SLC25A31: variants seen among roughly 807,000 people sequenced by gnomAD.
The protein encoded by SLC25A31 is ADP/ATP translocase 4.
Under a neutral mutation model 36.2 loss-of-function variants are expected in SLC25A31, and 40 were observed. The ratio of observed to expected loss-of-function variants is 1.10; its 90% CI spans 0.86 to 1.44. SLC25A31 has a LOEUF of 1.44. Among genes scored for constraint, SLC25A31 ranks in the 40% most tolerant of loss-of-function variants. SLC25A31 has a pLI of 0.00. For missense variants in SLC25A31, 350 were observed against 397.1 expected (o/e 0.88, Z 1.01); for synonymous variants, 143 against 149.7 (o/e 0.96, Z 0.32).
intron 2 of SLC25A31, among the ~76,000 whole-genome samples, chr4:127,761,152 G>A (rs372572965): frequency 1.4e-4 from 21 of 152,064 alleles, no homozygotes; most frequent in East Asian, 7.7e-4. Context: ...CCTTCCTACC[G>A]TCACTACATA....
Position 127,773,693 on chromosome 4 carries a change from T to C in SLC25A31, c.*119T>C, listed in dbSNP as rs1732413298. The C allele has an allele frequency of 1.3e-6, 1 of 743,440 alleles. No individual in the cohort carries two copies. The highest frequency in any genetic ancestry group is 1.8e-5 in the African/African-American group (1 of 55,128). 46.1% of individuals were successfully genotyped at this position (743,440 alleles called of 1,614,324 possible). A position where few individuals can be genotyped will look rare whatever the true frequency, so the allele number is the denominator to read the frequency against. On this transcript the variant is annotated 3_prime_UTR_variant, in exon 6 of 6. Transcript: ENST00000281154. ...CTGTATTTTGTTAAAGTGCTAGTTC[T>C]GCAATAAAGCATACATTTTTTCAAG...
intron 2 of SLC25A31, among the ~76,000 whole-genome samples, chr4:127,757,005 C>T (rs1187097396): frequency 2.0e-5 from 3 of 152,166 alleles, no homozygotes; most frequent in Non-Finnish European, 1.5e-5. Flanking sequence ...ATACAAAAAC[C>T]AGTGTACACA....
chr4:127,773,176 A>C (rs1003162283), intron 5 of SLC25A31, among the ~76,000 whole-genome samples: 1 of 152,178 alleles, frequency 6.6e-6, no homozygotes, highest in African/African-American at 2.4e-5. Context: ...ATCCTTTGAC[A>C]TTTGTTAACG....
intron 2 of SLC25A31, among the ~76,000 whole-genome samples, chr4:127,751,711 C>T (rs1158095427): frequency 7.9e-5 from 12 of 151,964 alleles, no homozygotes; most frequent in African/African-American, 2.7e-4. Context: ...ACAAAGAACT[C>T]AAACAAATTT....
intron 2 of SLC25A31, among the ~76,000 whole-genome samples, chr4:127,747,012 C>A (rs1731838645): frequency 6.6e-6 from 1 of 152,150 alleles, no homozygotes; most frequent in South Asian, 2.1e-4. Flanking sequence ...TATCCCACCA[C>A]TATTTATTGA....
At chr4:127,748,935 G>A (rs1467304639) in intron 2 of SLC25A31, among the ~76,000 whole-genome samples, 1 of 152,006 alleles carries the variant, frequency 6.6e-6, no homozygotes, top group Non-Finnish European at 1.5e-5. Context: ...CCAAACAAAT[G>A]GAGATATACA....
intron 2 of SLC25A31, among the ~76,000 whole-genome samples, chr4:127,763,261 G>T (rs1174769388): frequency 1.3e-5 from 2 of 152,180 alleles, no homozygotes; most frequent in Admixed American, 6.5e-5. Context: ...AGTAGAACTT[G>T]AATTAGAGCA....
At chr4:127,744,263 T>C (rs1400846275) in intron 1 of SLC25A31, among the ~76,000 whole-genome samples, 1 of 152,240 alleles carries the variant, frequency 6.6e-6, no homozygotes, top group Non-Finnish European at 1.5e-5. Flanking sequence ...CATAAGTATG[T>C]GTACAAATCA....
chr4:127,748,376 G>A (rs973317201), intron 2 of SLC25A31, among the ~76,000 whole-genome samples: 4 of 151,984 alleles, frequency 2.6e-5, no homozygotes, highest in South Asian at 2.1e-4. Flanking sequence ...TAAAGAGCTC[G>A]GTCTCAACAG....
chr4:127,767,014 T>C, intron 3 of SLC25A31, 52 bp from the exon 4 acceptor site: 1 of 1,419,804 alleles, frequency 7.0e-7, no homozygotes, highest in Admixed American at 2.3e-5. Context: ...TTGATTAAAG[T>C]GTTTATTGGA....
chr4:127,732,828 T>C (rs1324946531), intron 1 of SLC25A31, among the ~76,000 whole-genome samples: 1 of 152,240 alleles, frequency 6.6e-6, no homozygotes, highest in Non-Finnish European at 1.5e-5. Flanking sequence ...TATTGCCATC[T>C]AGAGGCAATT....
At chr4:127,732,987 C>T (rs774776423) in intron 1 of SLC25A31, among the ~76,000 whole-genome samples, 8 of 152,164 alleles carry the variant, frequency 5.3e-5, no homozygotes, top group Non-Finnish European at 8.8e-5. Flanking sequence ...AGATTTATCC[C>T]GCAACCTGAA....
intron 1 of SLC25A31, among the ~76,000 whole-genome samples, chr4:127,736,567 T>C (rs2148753014): frequency 6.6e-6 from 1 of 152,310 alleles, no homozygotes. Flanking sequence ...GCAATAGAAG[T>C]GCAGTAACTC....
In SLC25A31 at chr4:127,730,401, C is replaced by T. The variant is rs1214426833; in HGVS notation, c.-145C>T. The stretch of plus-strand genomic sequence containing the variant: ...GCGCAGCTTTTCCGCACGCGCCTCG[C>T]CGGCGCGCGGCTCTCTCAGCGTCCC... On this transcript the variant is annotated 5_prime_UTR_variant, in exon 1 of 6. Coordinates refer to ENST00000281154, the MANE Select transcript of SLC25A31 (RefSeq NM_031291.4). 4.9e-5 allele frequency: 43 copies of T among 871,930 alleles called. No individual in the cohort carries two copies. The highest frequency in any genetic ancestry group is 8.6e-5 in the Admixed American group (3 of 34,966). 54.0% of individuals were successfully genotyped at this position (871,930 alleles called of 1,614,324 possible).
At chr4:127,752,776 T>C (rs910694830) in intron 2 of SLC25A31, among the ~76,000 whole-genome samples, 9 of 152,076 alleles carry the variant, frequency 5.9e-5, no homozygotes, top group African/African-American at 1.9e-4. Flanking sequence ...AAAACAAATA[T>C]TAATAGATTT....
intron 5 of SLC25A31, among the ~76,000 whole-genome samples, chr4:127,771,261 C>T (rs1428907973): frequency 6.6e-6 from 1 of 151,996 alleles, no homozygotes; most frequent in Non-Finnish European, 1.5e-5. Flanking sequence ...CTGGCCTGTT[C>T]CCCTTTTTAT....
intron 1 of SLC25A31, among the ~76,000 whole-genome samples, chr4:127,739,850 G>T (rs1222848544): frequency 6.6e-6 from 1 of 151,568 alleles, no homozygotes; most frequent in African/African-American, 2.4e-5. Context: ...TCTTTCTTCT[G>T]CTTGGTCCAG....
chr4:127,747,296 G>C (rs1357633606), intron 2 of SLC25A31, among the ~76,000 whole-genome samples: 2 of 152,116 alleles, frequency 1.3e-5, no homozygotes, highest in Non-Finnish European at 2.9e-5. Flanking sequence ...CTAGTTCTCT[G>C]AAGAATGTCA....
intron 3 of SLC25A31, among the ~76,000 whole-genome samples, chr4:127,764,659 C>G (rs1031439546): frequency 1.3e-5 from 2 of 152,112 alleles, no homozygotes; most frequent in East Asian, 3.9e-4. Flanking sequence ...TTAGTCCTGT[C>G]TCAGCTGTGG....
Sources: gnomAD v4.1 joint callset for allele counts (sites outside exome capture counted in the v4.1 genomes callset) on GRCh38, gnomAD v4.1.1 for gene constraint, MANE v1.5 for transcripts, NCBI Gene and HGNC (gene_info 2026-07-23, HGNC 2026-07-21) for gene names.